Variants in ZNF281 observed in about 807,000 individuals in gnomAD.
The protein encoded by ZNF281 is zinc finger protein 281.
A neutral mutation model predicts 58.8 loss-of-function variants in ZNF281; 2 were observed. The ratio of observed to expected loss-of-function variants is 0.03; its 90% CI spans 0.01 to 0.11. The LOEUF (loss-of-function observed/expected upper bound fraction) is 0.11. Ranked by LOEUF, ZNF281 falls within the 10% of genes least tolerant of loss-of-function variation. ZNF281 has a pLI of 1.00. For missense variants in ZNF281, 975 were observed against 1,090.7 expected (o/e 0.89, Z 1.49); for synonymous variants, 465 against 407.7 (o/e 1.14, Z -1.69).
Position 200,407,305 on chromosome 1 carries a change from T to A in ZNF281, c.2401A>T (p.Thr801Ser), listed in dbSNP as rs748800275. The change falls in exon 2 of 2, where the codon ACA becomes TCA. Residue 801 changes from threonine (T) to serine (S), a missense_variant. By Grantham distance (58) the Thr-to-Ser change is moderately conservative. Transcript: ENST00000367353. ...QKEQKNLESS[T>S]GFQIPSQELA... Reference sequence around the variant, plus strand: ...TCCTGAGATGGAATCTGAAAGCCTGTTGAAGACTCTAAGTTTTTCTGTTCC... The same window carrying A: ...TCCTGAGATGGAATCTGAAAGCCTGATGAAGACTCTAAGTTTTTCTGTTCC... 2.5e-6 allele frequency: 4 copies of A among 1,614,218 alleles called. No homozygotes were observed. The East Asian group carries it at 8.9e-5, about 36-fold the overall frequency.
Position 200,409,040 on chromosome 1 carries a change from T to G in ZNF281, c.666A>C (p.Lys222Asn). The G allele has an allele frequency of 6.2e-7, 1 of 1,614,188 alleles. No individual in the cohort carries two copies. The highest frequency in any genetic ancestry group is 8.5e-7 in the Non-Finnish European group (1 of 1,180,022). Residue 222 changes from lysine to asparagine, a missense_variant, in exon 2 of 2, where the codon AAA (lysine) becomes AAC (asparagine). Lys to Asn is a moderately conservative substitution (Grantham distance 94, BLOSUM62 0). Around this residue, in one of 3 missense-constraint regions of ZNF281, gnomAD observed 370 missense variants for 360.9 expected, o/e 1.03. Coordinates refer to ENST00000367353, the MANE Select transcript of ZNF281 (RefSeq NM_001281293.2). ...PKQDTNVKKA[K>N]RPKPESQGIK... ...TTCCCTGAGATTCTGGCTTTGGCCT[T>G]TTTGCCTTTTTGACATTAGTGTCCT...
rs551314475 is a variant in ZNF281, at chr1:200,406,708, G to T, written c.*310C>A. 1.7e-3 allele frequency: 334 copies of T among 195,030 alleles called. 1 individual carries two copies. Among genetic ancestry groups the T allele is most frequent in the Middle Eastern group, 5.2e-3 (3 of 572 alleles). 12.1% of individuals were successfully genotyped at this position (195,030 alleles called of 1,614,324 possible). On this transcript the variant is annotated 3_prime_UTR_variant, in exon 2 of 2. Coordinates refer to ENST00000367353, the MANE Select transcript of ZNF281 (RefSeq NM_001281293.2). The stretch of plus-strand genomic sequence containing the variant: ...TTTTTTTGTAGGTTTTTTTTTTTTG[G>T]TTTTTTTTTGTCTTTTTTTTTGCGT...
chr1:200,410,024 C>G lies in ZNF281; in HGVS notation c.-97G>C, dbSNP rs1363783559. The G allele has an allele frequency of 4.0e-6, 2 of 496,888 alleles. No homozygotes were observed. The highest frequency in any genetic ancestry group is 7.2e-6 in the Non-Finnish European group (2 of 277,910). 30.8% of individuals were successfully genotyped at this position (496,888 alleles called of 1,614,324 possible). ...GTCCTCTCCACAATGGAATTAAAAGCCTCCCGTGTACTGCGCAGCCGCGGC... is the reference window on the plus strand; with the variant it reads ...GTCCTCTCCACAATGGAATTAAAAGGCTCCCGTGTACTGCGCAGCCGCGGC... On this transcript the variant is annotated 5_prime_UTR_variant, in exon 1 of 2. Transcript: ENST00000367353.
Position 200,409,675 on chromosome 1 carries a change from C to T in ZNF281, c.31G>A (p.Gly11Ser), listed in dbSNP as rs774034701. Residue 11 changes from glycine (G) to serine (S), a missense_variant, in exon 2 of 2, where the codon GGC becomes AGC. By Grantham distance (56) the Gly-to-Ser change is moderately conservative. Around this residue, in one of 3 missense-constraint regions of ZNF281, gnomAD observed 370 missense variants for 360.9 expected, o/e 1.03. Transcript: ENST00000367353. ...CCACCGCTACTGCCGGTACCTCCGC[C>T]GCCACTCAGGAACCCACTGCCGATT... MKIGSGFLSGGGGTGSSGGSG... is the reference protein window; with the variant it reads MKIGSGFLSGSGGTGSSGGSG... 3 of 1,573,376 alleles carry T rather than the reference C, an allele frequency of 1.9e-6. No individual in the cohort carries two copies. Among genetic ancestry groups the T allele is most frequent in the Admixed American group, 3.6e-5 (2 of 55,226 alleles).
chr1:200,408,359 G>T lies in ZNF281; in HGVS notation c.1347C>A (p.Gly449=). 6.2e-7 allele frequency: 1 copy of T among 1,613,968 alleles called. No individual in the cohort carries two copies. ...GTTCATCTATTCCAGTGCCAATTAT[G>T]CCTCCACTGGAAGACACGGTAGGCA... ...VEMPTVSSSG[G]IIGTGIDELQ... Residue 449 remains glycine (G), a synonymous_variant, in exon 2 of 2, where the codon GGC becomes GGA. Transcript: ENST00000367353.
Position 200,408,192 on chromosome 1 carries a change from A to G in ZNF281, c.1514T>C (p.Ile505Thr). Residue 505 changes from isoleucine (I) to threonine (T), a missense_variant, in exon 2 of 2, where the codon ATA (isoleucine) becomes ACA (threonine). By Grantham distance (89) the Ile-to-Thr change is moderately conservative (BLOSUM62 -1). Coordinates refer to ENST00000367353, the MANE Select transcript of ZNF281 (RefSeq NM_001281293.2). ...GGTCTCCACACTATTATTTGATACT[A>G]TGCCAAGTGAGCCACTTGGTTTTCC... The part of the protein sequence containing the change: ...LSGKPSGSLG[I>T]VSNNSVETIG... 1.2e-6 allele frequency: 2 copies of G among 1,613,668 alleles called. No individual in the cohort carries two copies. The highest frequency in any genetic ancestry group is 1.7e-6 in the Non-Finnish European group (2 of 1,180,024).
In ZNF281 at chr1:200,407,068, C is replaced by T; in HGVS notation, c.2638G>A (p.Glu880Lys). 1.9e-6 allele frequency: 3 copies of T among 1,614,050 alleles called. No individual in the cohort carries two copies. Among genetic ancestry groups the T allele is most frequent in the Non-Finnish European group, 2.5e-6 (3 of 1,180,000 alleles). Residue 880 changes from glutamate (E) to lysine (K), a missense_variant, in exon 2 of 2, where the codon GAG becomes AAG. Coordinates refer to ENST00000367353, the MANE Select transcript of ZNF281 (RefSeq NM_001281293.2). ...GTCTTTACTCTTGTACTACATGGCTCACTTACATCAGACATCATATTTGTA... is the reference window on the plus strand; with the variant it reads ...GTCTTTACTCTTGTACTACATGGCTTACTTACATCAGACATCATATTTGTA... The part of the protein sequence containing the change: ...GYTNMMSDVS[E>K]PCSTRVKTPT...
rs780911373 is a variant in ZNF281 at position 200,407,278 on chromosome 1, A to C, written c.2428T>G (p.Leu810Val). The change falls in exon 2 of 2, where the codon TTA becomes GTA. Residue 810 changes from leucine to valine, a missense_variant. Physicochemically the swap from Leu to Val is conservative, Grantham distance 32. Transcript: ENST00000367353. ...TTCTGAGGATCTATCTGGCTAGCTA[A>C]CTCCTGAGATGGAATCTGAAAGCCT... ...STGFQIPSQE[L>V]ASQIDPQKDI... 6.2e-7 allele frequency: 1 copy of C among 1,614,116 alleles called. No homozygotes were observed. The highest frequency in any genetic ancestry group is 1.1e-5 in the South Asian group (1 of 91,080).
rs1318084677 is a variant in ZNF281, at chr1:200,406,316, AG to A, written c.*701del. The A allele has an allele frequency of 6.6e-6, 1 of 152,354 alleles. No individual in the cohort carries two copies. The highest frequency in any genetic ancestry group is 2.4e-5 in the African/African-American group (1 of 41,364). The allele number at this position is 152,354 out of a possible 1,614,324, so 9.4% of individuals were successfully genotyped here. ...CTTCTTTTATTAAAGCTATCATTCC[AG>A]GCTTTGATCAAAGATCCAAGAATAT... On this transcript the variant is annotated 3_prime_UTR_variant, in exon 2 of 2. Transcript: ENST00000367353.
chr1:200,407,107 C>G lies in ZNF281; in HGVS notation c.2599G>C (p.Asp867His), dbSNP rs544847448. The change falls in exon 2 of 2, where the codon GAT (aspartate) becomes CAT (histidine). Residue 867 changes from aspartate to histidine, a missense_variant. Asp to His is a moderately conservative substitution (Grantham distance 81, BLOSUM62 -1). Transcript: ENST00000367353. ...VDHRVRTSVS[D>H]FSGYTNMMSD... ...ATCATATTTGTATACCCTGAGAAAT[C>G]TGACACTGAAGTCCTTACTCTATGG... The G allele has an allele frequency of 3.7e-5, 59 of 1,614,172 alleles. 1 individual carries two copies. The East Asian group carries it at 5.8e-4, about 16-fold the overall frequency.
chr1:200,409,124 G>C lies in ZNF281; in HGVS notation c.582C>G (p.Asp194Glu), dbSNP rs1558005833. The change falls in exon 2 of 2, where the codon GAC becomes GAG. Residue 194 changes from aspartate to glutamate, a missense_variant. Transcript: ENST00000367353. The part of the protein sequence containing the change: ...VQQQPAQHHR[D>E]VLLSSSSRTD... Reference sequence around the variant, plus strand: ...TCCTGCTACTGCTGCTGAGTAATACGTCACGGTGGTGCTGGGCTGGTTGCT... The same window carrying C: ...TCCTGCTACTGCTGCTGAGTAATACCTCACGGTGGTGCTGGGCTGGTTGCT... 1.2e-6 allele frequency: 2 copies of C among 1,614,162 alleles called. No individual in the cohort carries two copies. Among genetic ancestry groups the C allele is most frequent in the Non-Finnish European group, 1.7e-6 (2 of 1,180,034 alleles).
At position 200,409,427 on chromosome 1, in the gene ZNF281, C is replaced by T. The variant is rs1413170091; in HGVS notation, c.279G>A (p.Pro93=). ...SAAPAAEPPP[P]PAPDMTFKKE... ...TCTTGAAAGTCATGTCCGGGGCTGG[C>T]GGAGGGGGGGGCTCAGCGGCCGGGG... Residue 93 remains proline (P), a synonymous_variant, in exon 2 of 2, where the codon CCG becomes CCA. Coordinates refer to ENST00000367353, the MANE Select transcript of ZNF281 (RefSeq NM_001281293.2). The T allele has an allele frequency of 1.3e-6, 2 of 1,499,846 alleles. No homozygotes were observed. Among genetic ancestry groups the T allele is most frequent in the Non-Finnish European group, 1.8e-6 (2 of 1,120,314 alleles). The allele number at this position is 1,499,846 out of a possible 1,614,324, so 92.9% of individuals were successfully genotyped here. A position where few individuals can be genotyped will look rare whatever the true frequency, so the allele number is the denominator to read the frequency against.
rs748780070 is a variant in ZNF281, at chr1:200,408,981, T to C, written c.725A>G (p.Lys242Arg). Reference protein sequence around the residue: ...KAKRKPSASSKPSLVGDGEGA... With the variant: ...KAKRKPSASSRPSLVGDGEGA... ...TTCTCCATCTCCAACCAAAGAAGGT[T>C]TGGAAGATGCACTTGGCTTCCTCTT... is the stretch of plus-strand genomic sequence containing the variant. The change falls in exon 2 of 2, where the codon AAA becomes AGA. Residue 242 changes from lysine to arginine, a missense_variant. Physicochemically the swap from Lys to Arg is conservative, Grantham distance 26. This residue lies in a region of ZNF281 where 370 missense variants were observed against 360.9 expected (regional missense o/e 1.03). Coordinates refer to ENST00000367353, the MANE Select transcript of ZNF281 (RefSeq NM_001281293.2). The C allele has an allele frequency of 6.2e-7, 1 of 1,614,238 alleles. No individual in the cohort carries two copies. Among genetic ancestry groups the C allele is most frequent in the African/African-American group, 1.3e-5 (1 of 75,062 alleles).
In ZNF281 at chr1:200,409,693, T is replaced by C; in HGVS notation, c.13A>G (p.Ser5Gly). 1.9e-6 allele frequency: 3 copies of C among 1,586,070 alleles called. No homozygotes were observed. Among genetic ancestry groups the C allele is most frequent in the Non-Finnish European group, 2.6e-6 (3 of 1,168,962 alleles). MKIG[S>G]GFLSGGGGTG... ...CCTCCGCCGCCACTCAGGAACCCAC[T>C]GCCGATTTTCATACCCCGGAGGAGG... The change falls in exon 2 of 2, where the codon AGT becomes GGT. Residue 5 changes from serine to glycine, a missense_variant. Transcript: ENST00000367353.
Position 200,408,593 on chromosome 1 carries a change from T to A in ZNF281, c.1113A>T (p.Ile371=). 1 of 1,614,224 alleles carries A rather than the reference T, an allele frequency of 6.2e-7. No individual in the cohort carries two copies. Among genetic ancestry groups the A allele is most frequent in the South Asian group, 1.1e-5 (1 of 91,086 alleles). ...GTTCTGCACTAGTGGCTCCTTTAACTATGACTTCACCACATGTGCGCCTGT... is the reference window on the plus strand; with the variant it reads ...GTTCTGCACTAGTGGCTCCTTTAACAATGACTTCACCACATGTGCGCCTGT... ...LKHRRTCGEV[I]VKGATSAEPG... is the part of the protein sequence containing the mutation. The change falls in exon 2 of 2, where the codon ATA becomes ATT. Residue 371 remains isoleucine, a synonymous_variant. Transcript: ENST00000367353.
rs1571697541 is a variant in ZNF281 at position 200,409,805 on chromosome 1, G to A, written c.-18-82C>T. 2.1e-6 allele frequency: 3 copies of A among 1,456,544 alleles called. No homozygotes were observed. The East Asian group carries it at 7.4e-5, about 36-fold the overall frequency. The allele number at this position is 1,456,544 out of a possible 1,614,324, so 90.2% of individuals were successfully genotyped here. On this transcript the variant is annotated intron_variant, in intron 1 of 1. Transcript: ENST00000367353. The stretch of plus-strand genomic sequence containing the variant: ...GGGCCGGGACCACCGCAGCGCTAAG[G>A]ACCCCGCCGCGCCGCCGCCCAGACC...
At position 200,405,332 on chromosome 1, in the gene ZNF281, TTTC is replaced by T. The variant is rs1654421478; in HGVS notation, c.*1683_*1685del. On this transcript the variant is annotated 3_prime_UTR_variant, in exon 2 of 2. Coordinates refer to ENST00000367353, the MANE Select transcript of ZNF281 (RefSeq NM_001281293.2). The stretch of plus-strand genomic sequence containing the variant: ...TAATACTTTGTAACCATTTTTAATA[TTTC>T]TTATTTTCCAAACACTGCTTTTATA... 2 of 152,228 alleles carry T rather than the reference TTTC, an allele frequency of 1.3e-5. No homozygotes were observed. The highest frequency in any genetic ancestry group is 4.8e-5 in the African/African-American group (2 of 41,462). 9.4% of individuals were successfully genotyped at this position (152,228 alleles called of 1,614,324 possible).
Position 200,409,263 on chromosome 1 carries a change from T to G in ZNF281, c.443A>C (p.His148Pro), listed in dbSNP as rs747571684. The G allele has an allele frequency of 1.2e-6, 2 of 1,613,314 alleles. No homozygotes were observed. Among genetic ancestry groups the G allele is most frequent in the Non-Finnish European group, 1.7e-6 (2 of 1,179,726 alleles). ...AGCTCCAGCGAACAGCCCCCCATAG[T>G]GGTGGTGGTGATGGTGGTGGTGGGA... ...QQSHHHHHHH[H>P]YGGLFAGAEE... Residue 148 changes from histidine to proline, a missense_variant, in exon 2 of 2, where the codon CAC becomes CCC. Around this residue, in one of 3 missense-constraint regions of ZNF281, gnomAD observed 370 missense variants for 360.9 expected, o/e 1.03. Transcript: ENST00000367353.
In ZNF281 at chr1:200,407,312, C is replaced by G. The variant is rs1359133505; in HGVS notation, c.2394G>C (p.Glu798Asp). The G allele has an allele frequency of 3.7e-6, 6 of 1,614,118 alleles. No homozygotes were observed. In the African/African-American group the frequency reaches 5.3e-5, roughly 14 times the overall value. ...LTSQKEQKNL[E>D]SSTGFQIPSQ... Reference sequence around the variant, plus strand: ...ATGGAATCTGAAAGCCTGTTGAAGACTCTAAGTTTTTCTGTTCCTTCTGGC... The same window carrying G: ...ATGGAATCTGAAAGCCTGTTGAAGAGTCTAAGTTTTTCTGTTCCTTCTGGC... Residue 798 changes from glutamate (E) to aspartate (D), a missense_variant, in exon 2 of 2, where the codon GAG (glutamate) becomes GAC (aspartate). Coordinates refer to ENST00000367353, the MANE Select transcript of ZNF281 (RefSeq NM_001281293.2).
Sources: gnomAD v4.1 joint callset for allele counts on GRCh38, gnomAD v4.1.1 for gene constraint, gnomAD v4.1.1 regional missense constraint, MANE v1.5 for transcripts, NCBI Gene and HGNC (gene_info 2026-07-23, HGNC 2026-07-21) for gene names.